The following EIF3H variants were observed in gnomAD, a reference collection of about 807,000 sequenced individuals.
The protein encoded by EIF3H is eukaryotic translation initiation factor 3 subunit H, also known as eIF-3-gamma.
In EIF3H, 26 loss-of-function variants were observed where a neutral mutation model predicts 44.2. That is an observed-to-expected ratio of 0.59 (90% CI 0.43 to 0.82). The LOEUF (loss-of-function observed/expected upper bound fraction) is 0.82. Among genes scored for constraint, EIF3H ranks in the 40% least tolerant of loss-of-function variants. EIF3H has a pLI of 0.00. For missense variants in EIF3H, 359 were observed against 432.8 expected, an observed-to-expected ratio of 0.83 and a Z score of 1.51; for synonymous variants, 166 against 151.9, an observed-to-expected ratio of 1.09 and a Z score of -0.68.
At position 116,719,803 on chromosome 8, in the gene EIF3H, C is replaced by T. The variant is rs892493309; in HGVS notation, c.289+6213G>A. Among the ~76,000 whole-genome samples, 3 of 152,028 alleles carry T rather than the reference C, an allele frequency of 2.0e-5. No individual in the cohort carries two copies. In the East Asian group the frequency reaches 5.8e-4, roughly 29 times the overall value. On this transcript the variant is annotated intron_variant, in intron 2 of 7. Coordinates refer to ENST00000521861, the MANE Select transcript of EIF3H (RefSeq NM_003756.3). Reference sequence around the variant, plus strand: ...CACATGTATAAGAAAATGACAATTCCGATTAATTTCTAAAGGCAGACCAAG... The same window carrying T: ...CACATGTATAAGAAAATGACAATTCTGATTAATTTCTAAAGGCAGACCAAG...
intron 2 of EIF3H, among the ~76,000 whole-genome samples, chr8:116,719,360 T>C (rs1177475399): frequency 6.6e-6 from 1 of 152,124 alleles, no homozygotes; most frequent in African/African-American, 2.4e-5. Context: ...AGAGAAACTA[T>C]GGCAAGGCTC....
intron 1 of EIF3H, among the ~76,000 whole-genome samples, chr8:116,735,747 C>CTTTATTA (rs1815024703): frequency 1.3e-5 from 2 of 151,940 alleles, no homozygotes; most frequent in Non-Finnish European, 2.9e-5. Context: ...GTATCAAGCC[C>CTTTATTA]CCACTTTATT....
At chr8:116,713,669 TA>T (rs997434565) in intron 2 of EIF3H, among the ~76,000 whole-genome samples, 2 of 152,012 alleles carry the variant, frequency 1.3e-5, no homozygotes, top group Non-Finnish European at 2.9e-5. Flanking sequence ...ACCAAACACA[TA>T]AAGTAAATTT....
chr8:116,691,015 C>T lies in EIF3H; in HGVS notation c.290-32035G>A, dbSNP rs908169505. ...TCTGGGAATACATTCAACCCTAATG[C>T]TTACTGTTCAGTCAACTCTGTTGCC... On this transcript the variant is annotated intron_variant, in intron 2 of 7. Transcript: ENST00000521861. Among the ~76,000 whole-genome samples, 3 of 152,178 alleles carry T rather than the reference C, an allele frequency of 2.0e-5. 1 individual carries two copies. Among genetic ancestry groups the T allele is most frequent in the Non-Finnish European group, 4.4e-5 (3 of 68,038 alleles).
intron 2 of EIF3H, among the ~76,000 whole-genome samples, chr8:116,674,067 CAAAAAAAAAAAAAA>C (rs59899280): frequency 2.8e-4 from 14 of 49,666 alleles, no homozygotes; most frequent in Non-Finnish European, 3.9e-4. Flanking sequence ...AAGACTGTCT[CAAAAAAAAAAAAAA>C]AAAAAAAAAA....
At chr8:116,660,236 C>T (rs200213382) in intron 2 of EIF3H, among the ~76,000 whole-genome samples, 33 of 152,170 alleles carry the variant, frequency 2.2e-4, no homozygotes, top group Non-Finnish European at 4.7e-4. Flanking sequence ...GCTGAGTAAA[C>T]GTATTTGCTT....
At chr8:116,681,139 G>A (rs547511878) in intron 2 of EIF3H, among the ~76,000 whole-genome samples, 50 of 152,198 alleles carry the variant, frequency 3.3e-4, no homozygotes, top group African/African-American at 1.2e-3. Flanking sequence ...GAGGTGGGCA[G>A]ATCACCTGAG....
chr8:116,724,503 G>C (rs1259758169), intron 2 of EIF3H, among the ~76,000 whole-genome samples: 2 of 151,738 alleles, frequency 1.3e-5, no homozygotes, highest in Non-Finnish European at 2.9e-5. Context: ...AATCAACCTA[G>C]TAAAAAGGCA....
intron 1 of EIF3H, among the ~76,000 whole-genome samples, chr8:116,749,629 CTTTATT>C (rs1815294737): frequency 6.6e-6 from 1 of 152,114 alleles, no homozygotes; most frequent in East Asian, 1.9e-4. Flanking sequence ...CCCATTCTTT[CTTTATT>C]TTTGTTTTTT....
intron 1 of EIF3H, among the ~76,000 whole-genome samples, chr8:116,750,875 G>A (rs1157262317): frequency 1.3e-5 from 2 of 152,036 alleles, no homozygotes; most frequent in African/African-American, 2.4e-5. Context: ...AACATCTAAG[G>A]AAAGAAGTTA....
chr8:116,655,807 T>C (rs1189997736), intron 5 of EIF3H, 49 bp downstream of exon 5: 3 of 1,592,866 alleles, frequency 1.9e-6, no homozygotes, highest in South Asian at 2.3e-5. Flanking sequence ...AAAGAATCTT[T>C]TGCAAAAAGT....
chr8:116,748,436 G>A (rs926398678), intron 1 of EIF3H, among the ~76,000 whole-genome samples: 1 of 152,168 alleles, frequency 6.6e-6, no homozygotes, highest in Admixed American at 6.5e-5. Flanking sequence ...AAAAGATGGA[G>A]AAATATGAAC....
chr8:116,673,666 T>C (rs540973390), intron 2 of EIF3H, among the ~76,000 whole-genome samples: 19 of 152,276 alleles, frequency 1.2e-4, no homozygotes, highest in African/African-American at 4.6e-4. Context: ...AAATGTAATC[T>C]CGTCTCTAAC....
intron 1 of EIF3H, among the ~76,000 whole-genome samples, chr8:116,752,734 A>AAG: frequency 9.8e-6 from 1 of 102,252 alleles, no homozygotes; most frequent in South Asian, 3.8e-4. Context: ...GAAAGAAAGA[A>AAG]GAGAAAGAAA....
At chr8:116,686,735 A>C (rs1358544988) in intron 2 of EIF3H, among the ~76,000 whole-genome samples, 4 of 152,152 alleles carry the variant, frequency 2.6e-5, no homozygotes, top group Non-Finnish European at 4.4e-5. Flanking sequence ...AAGGCTTTGC[A>C]GAGGAAATGA....
intron 1 of EIF3H, among the ~76,000 whole-genome samples, chr8:116,754,778 T>C (rs1815413081): frequency 1.3e-5 from 2 of 152,274 alleles, no homozygotes; most frequent in South Asian, 4.1e-4. Context: ...CAGATTCAAT[T>C]ATATGCTGCG....
At chr8:116,702,774 G>C (rs1586464939) in intron 2 of EIF3H, among the ~76,000 whole-genome samples, 1 of 152,118 alleles carries the variant, frequency 6.6e-6, no homozygotes, top group East Asian at 1.9e-4. Context: ...GAATAACAAA[G>C]GACAACATAT....
intron 5 of EIF3H, among the ~76,000 whole-genome samples, chr8:116,655,106 T>A (rs1308408522): frequency 1.3e-5 from 2 of 151,886 alleles, no homozygotes; most frequent in Non-Finnish European, 2.9e-5. Context: ...GACAAAATAA[T>A]CACTAACATA....
At chr8:116,672,202 T>C (rs960772970) in intron 2 of EIF3H, among the ~76,000 whole-genome samples, 6 of 152,232 alleles carry the variant, frequency 3.9e-5, no homozygotes, top group Non-Finnish European at 8.8e-5. Context: ...TAAGTTTTGG[T>C]ATTAGAATCA....
Sources: gnomAD v4.1 joint callset for allele counts (sites outside exome capture counted in the v4.1 genomes callset) on GRCh38, gnomAD v4.1.1 for gene constraint, MANE v1.5 for transcripts, NCBI Gene and HGNC (gene_info 2026-07-23, HGNC 2026-07-21) for gene names.